The following EML6 variants were observed in gnomAD, a reference collection of about 807,000 sequenced individuals.
The protein encoded by EML6 is echinoderm microtubule-associated protein-like 6.
In EML6, 154 loss-of-function variants were observed where a neutral mutation model predicts 240.1. The observed-to-expected ratio is 0.64, with a 90% CI of 0.56 to 0.73. The LOEUF is 0.73. Among genes scored for constraint, EML6 ranks in the 30% least tolerant of loss-of-function variants. EML6 has a pLI of 0.00. For missense variants in EML6, 2,964 were observed against 2,474.6 expected (o/e 1.20, Z -4.20); for synonymous variants, 1,148 against 899.0 (o/e 1.28, Z -4.95).
chr2:54,957,752 G>A (rs1246173697), intron 32 of EML6, 38 bp from the exon 33 acceptor site: 3 of 1,540,574 alleles, frequency 1.9e-6, no homozygotes, highest in South Asian at 1.2e-5. Context: ...GGCCCATGAA[G>A]CAATGAGGAG....
intron 26 of EML6, among the ~76,000 whole-genome samples, chr2:54,923,428 T>C (rs1246361510): frequency 2.0e-5 from 3 of 150,190 alleles, no homozygotes; most frequent in Non-Finnish European, 4.4e-5. Context: ...TCATGATTAA[T>C]GCATTAATTA....
Position 54,859,594 on chromosome 2 carries a change from A to G in EML6, c.1718A>G (p.His573Arg). 2.6e-6 allele frequency: 4 copies of G among 1,551,468 alleles called. No homozygotes were observed. Among genetic ancestry groups the G allele is most frequent in the Non-Finnish European group, 3.5e-6 (4 of 1,146,874 alleles). Reference sequence around the variant, plus strand: ...CATGTCACAAATGTCCGCTGGTCCCATGACTTTCAGTGGGTGTTGAGCACA... The same window carrying G: ...CATGTCACAAATGTCCGCTGGTCCCGTGACTTTCAGTGGGTGTTGAGCACA... ...SAHVTNVRWS[H>R]DFQWVLSTGG... The change falls in exon 12 of 42, where the codon CAT (histidine) becomes CGT (arginine). Residue 573 changes from histidine (H) to arginine (R), a missense_variant. Transcript: ENST00000356458.
At chr2:54,754,707 A>G (rs1684325501) in intron 2 of EML6, among the ~76,000 whole-genome samples, 1 of 152,090 alleles carries the variant, frequency 6.6e-6, no homozygotes, top group Non-Finnish European at 1.5e-5. Flanking sequence ...TCAATCTTTT[A>G]CTTTATGATT....
chr2:54,834,498 T>C (rs1271197522), intron 7 of EML6, among the ~76,000 whole-genome samples: 1 of 152,244 alleles, frequency 6.6e-6, no homozygotes, highest in Non-Finnish European at 1.5e-5. Context: ...ATTTACTTAT[T>C]TGTCCACTCA....
chr2:54,843,672 G>A (rs896368694), intron 7 of EML6, among the ~76,000 whole-genome samples: 9 of 151,826 alleles, frequency 5.9e-5, no homozygotes, highest in Non-Finnish European at 1.0e-4. Context: ...GTGAAACCCC[G>A]TCTCCACTAA....
intron 13 of EML6, 97 bp downstream of exon 13, chr2:54,863,986 A>G (rs1670827187): frequency 1.5e-6 from 1 of 663,844 alleles, no homozygotes; most frequent in Non-Finnish European, 2.5e-6. Flanking sequence ...ACTTAGACAA[A>G]GAGAATTGAG....
At chr2:54,966,770 C>T in intron 38 of EML6, 1 of 359,386 alleles carries the variant, frequency 2.8e-6, no homozygotes, top group Non-Finnish European at 5.2e-6. Context: ...GAACCGCTAT[C>T]TTAGGACTCT....
At chr2:54,736,334 C>T (rs1418971057) in intron 2 of EML6, among the ~76,000 whole-genome samples, 1 of 152,202 alleles carries the variant, frequency 6.6e-6, no homozygotes, top group African/African-American at 2.4e-5. Flanking sequence ...CCAGACTTCT[C>T]AGAAGAGGGA....
intron 22 of EML6, among the ~76,000 whole-genome samples, chr2:54,902,169 AT>A (rs1044643970): frequency 6.6e-6 from 1 of 151,316 alleles, no homozygotes; most frequent in Non-Finnish European, 1.5e-5. Context: ...TTTAAAAAAA[AT>A]GGTTTCTGGA....
chr2:54,813,477 T>A (rs2104051494), intron 3 of EML6, 86 bp downstream of exon 3: 25 of 1,152,106 alleles, frequency 2.2e-5, no homozygotes, highest in Non-Finnish European at 3.1e-5. Flanking sequence ...AGATTCAAAG[T>A]CCATCAACCC....
chr2:54,757,981 A>G (rs1667814356), intron 2 of EML6, among the ~76,000 whole-genome samples: 1 of 147,598 alleles, frequency 6.8e-6, no homozygotes, highest in Non-Finnish European at 1.5e-5. Flanking sequence ...ATAACTCCCT[A>G]TCTTTTCAAT....
At chr2:54,880,703 C>T (rs950015152) in intron 17 of EML6, 6 of 152,216 alleles carry the variant, frequency 3.9e-5, no homozygotes, top group African/African-American at 1.4e-4. Context: ...TCCTCACTGT[C>T]ATTCCACTCC....
At chr2:54,766,098 AT>A (rs1218712452) in intron 2 of EML6, among the ~76,000 whole-genome samples, 1 of 151,860 alleles carries the variant, frequency 6.6e-6, no homozygotes, top group African/African-American at 2.4e-5. Context: ...GTAGATACAT[AT>A]TTTTTTCTTG....
chr2:54,733,406 C>A (rs1006835147), intron 2 of EML6, among the ~76,000 whole-genome samples: 1 of 152,142 alleles, frequency 6.6e-6, no homozygotes, highest in African/African-American at 2.4e-5. Flanking sequence ...TTGCAAGAAA[C>A]TTTTTCAAAG....
chr2:54,838,692 A>G (rs1409004710), intron 7 of EML6, among the ~76,000 whole-genome samples: 2 of 152,140 alleles, frequency 1.3e-5, no homozygotes, highest in Non-Finnish European at 2.9e-5. Context: ...TGGTCTTGGC[A>G]TAAGAGGATT....
At chr2:54,853,029 G>C (rs953640028) in intron 10 of EML6, among the ~76,000 whole-genome samples, 1 of 152,108 alleles carries the variant, frequency 6.6e-6, no homozygotes, top group Non-Finnish European at 1.5e-5. Context: ...TAATCTTGTA[G>C]ATTTTCAGTG....
chr2:54,788,784 T>G (rs1027446138), intron 2 of EML6, among the ~76,000 whole-genome samples: 3 of 152,218 alleles, frequency 2.0e-5, no homozygotes, highest in African/African-American at 4.8e-5. Flanking sequence ...AACATATATT[T>G]TAGGAATCAA....
intron 18 of EML6, 140 bp downstream of exon 18, chr2:54,891,294 G>A (rs2104096692): frequency 2.0e-6 from 1 of 505,994 alleles, no homozygotes; most frequent in Non-Finnish European, 3.6e-6. Context: ...TATCTCCCAA[G>A]TTCGCTTAGA....
chr2:54,960,075 G>A (rs562777135), intron 34 of EML6, 145 bp from the exon 35 acceptor site: 10 of 614,678 alleles, frequency 1.6e-5, no homozygotes, highest in East Asian at 2.8e-5. Flanking sequence ...GAGGCTGCCT[G>A]GAGGGTCTGG....
Sources: gnomAD v4.1 joint callset for allele counts (sites outside exome capture counted in the v4.1 genomes callset) on GRCh38, gnomAD v4.1.1 for gene constraint, MANE v1.5 for transcripts, NCBI Gene and HGNC (gene_info 2026-07-23, HGNC 2026-07-21) for gene names.